The following COL28A1 variants were observed in gnomAD, a reference collection of about 807,000 sequenced individuals.
The protein encoded by COL28A1 is collagen type XXVIII alpha 1 chain.
COL28A1 carries 161 observed loss-of-function variants against 150.2 expected under a neutral mutation model. The ratio of observed to expected loss-of-function variants is 1.07; its 90% CI spans 0.94 to 1.22. The LOEUF (loss-of-function observed/expected upper bound fraction) is 1.22. COL28A1 is among the 50% of genes most tolerant of loss of function. COL28A1 has a pLI of 0.00. For synonymous variants in COL28A1, 552 were observed against 469.7 expected (o/e 1.18, Z -2.26); for missense variants, 1,617 against 1,388.3 (o/e 1.16, Z -2.62).
rs904690839 is a variant in COL28A1 at position 7,510,957 on chromosome 7, A to C, written c.927+134T>G. 9.9e-6 allele frequency: 7 copies of C among 706,692 alleles called. No individual in the cohort carries two copies. In the African/African-American group the frequency reaches 1.3e-4, roughly 13 times the overall value. 43.8% of individuals were successfully genotyped at this position (706,692 alleles called of 1,614,324 possible). On this transcript the variant is annotated intron_variant, in intron 9 of 34. Coordinates refer to ENST00000399429, the MANE Select transcript of COL28A1 (RefSeq NM_001037763.3). Reference sequence around the variant, plus strand: ...CTTTGTTTTCTACCACATGTTTTACAGATGTGAAAAATTGAGCCATTGATT... The same window carrying C: ...CTTTGTTTTCTACCACATGTTTTACCGATGTGAAAAATTGAGCCATTGATT...
At position 7,370,834 on chromosome 7, in the gene COL28A1, GA is replaced by G. The variant is rs759772597; in HGVS notation, c.2956del (p.Ser986ProfsTer38). The G allele has an allele frequency of 3.6e-5, 58 of 1,612,886 alleles. No homozygotes were observed. The highest frequency in any genetic ancestry group is 2.5e-5 in the Non-Finnish European group (30 of 1,179,370). ...TGAACCAAAAATTTGAACGAGATAG[GA>G]ATCAAAATCCTCACAAATTTTTTGA... ...LFQKICEDFD[S>X]YLVQIFGSSS... On this transcript the variant is annotated frameshift_variant, in exon 33 of 35. Coordinates refer to ENST00000399429, the MANE Select transcript of COL28A1 (RefSeq NM_001037763.3). LOFTEE classifies it high-confidence loss of function.
In COL28A1 at chr7:7,358,601, T is replaced by C. The variant is rs754533669; in HGVS notation, c.*32A>G. ...AATATGTGGAAATTAGGGAGTTCTA[T>C]GCTTTTGATAGAGACAGGCCAATTT... On this transcript the variant is annotated 3_prime_UTR_variant, in exon 35 of 35. Transcript: ENST00000399429. The C allele has an allele frequency of 2.1e-5, 34 of 1,605,028 alleles. No individual in the cohort carries two copies. In the South Asian group the frequency reaches 3.1e-4, roughly 15 times the overall value.
rs187160054 is a variant in COL28A1 at position 7,436,029 on chromosome 7, C to A, written c.1860+366G>T. Reference sequence around the variant, plus strand: ...ATAAATAAAGCAGGAAATTTTTATTCAGCAAAGCTTCCAAGCACACACGCT... The same window carrying A: ...ATAAATAAAGCAGGAAATTTTTATTAAGCAAAGCTTCCAAGCACACACGCT... On this transcript the variant is annotated intron_variant, in intron 23 of 34. Coordinates refer to ENST00000399429, the MANE Select transcript of COL28A1 (RefSeq NM_001037763.3). 9.5e-4 allele frequency among the ~76,000 whole-genome samples: 145 copies of A among 152,294 alleles called. 1 individual carries two copies. The Middle Eastern group carries it at 0.017, about 18-fold the overall frequency.
chr7:7,453,614 T>C, intron 16 of COL28A1, 106 bp from the exon 17 acceptor site: 1 of 679,740 alleles, frequency 1.5e-6, no homozygotes, highest in Non-Finnish European at 2.5e-6. Flanking sequence ...TTACACTCAA[T>C]AAGCATTTGT....
At chr7:7,440,377 T>C (rs1431053943) in intron 21 of COL28A1, among the ~76,000 whole-genome samples, 2 of 152,260 alleles carry the variant, frequency 1.3e-5, no homozygotes, top group African/African-American at 2.4e-5. Context: ...AAGAGGTTCA[T>C]GGCACAGGAG....
At chr7:7,492,557 CT>C in intron 11 of COL28A1, among the ~76,000 whole-genome samples, 1 of 140,584 alleles carries the variant, frequency 7.1e-6, no homozygotes, top group East Asian at 2.1e-4. Context: ...CACACTCCAG[CT>C]TTGGCAACAG....
chr7:7,398,814 G>A (rs746889441), intron 27 of COL28A1, among the ~76,000 whole-genome samples: 9 of 152,092 alleles, frequency 5.9e-5, no homozygotes, highest in Non-Finnish European at 1.3e-4. Flanking sequence ...TGTCTTTGCT[G>A]GCCATCTGCA....
At chr7:7,519,290 G>T (rs1398953629) in intron 6 of COL28A1, among the ~76,000 whole-genome samples, 6 of 152,110 alleles carry the variant, frequency 3.9e-5, no homozygotes, top group Non-Finnish European at 5.9e-5. Context: ...AGAACAGCAT[G>T]GGAAAGACCC....
chr7:7,443,510 A>G (rs1383475154), intron 20 of COL28A1, 75 bp downstream of exon 20: 1 of 1,585,014 alleles, frequency 6.3e-7, no homozygotes, highest in African/African-American at 1.4e-5. Context: ...ATAACAATCA[A>G]ATTTCTTCTA....
intron 18 of COL28A1, among the ~76,000 whole-genome samples, chr7:7,451,147 A>T (rs1174149175): frequency 6.6e-6 from 1 of 152,178 alleles, no homozygotes; most frequent in Non-Finnish European, 1.5e-5. Context: ...GTGGTAAAAC[A>T]TTAACATTTG....
intron 27 of COL28A1, among the ~76,000 whole-genome samples, chr7:7,397,822 C>G (rs146026053): frequency 9.2e-4 from 140 of 152,298 alleles, no homozygotes; most frequent in African/African-American, 3.2e-3. Context: ...GGTCCACCCA[C>G]CAGCCAAACA....
In COL28A1 at chr7:7,380,816, C is replaced by T; in HGVS notation, c.2252G>A (p.Gly751Glu). The T allele has an allele frequency of 6.2e-7, 1 of 1,614,048 alleles. No individual in the cohort carries two copies. The highest frequency in any genetic ancestry group is 8.5e-7 in the Non-Finnish European group (1 of 1,179,964). ...RGDVGKKGDK[G>E]EIGEPGSPGK... is the part of the protein sequence containing the mutation. ...TGGAGATCCAGGCTCTCCAATTTCTCCTTTATCACCTTTCTTTCCCACATC... is the reference window on the plus strand; with the variant it reads ...TGGAGATCCAGGCTCTCCAATTTCTTCTTTATCACCTTTCTTTCCCACATC... The change falls in exon 29 of 35, where the codon GGA becomes GAA. Residue 751 changes from glycine to glutamate, a missense_variant. Physicochemically the swap from Gly to Glu is moderately conservative, Grantham distance 98. Coordinates refer to ENST00000399429, the MANE Select transcript of COL28A1 (RefSeq NM_001037763.3).
chr7:7,418,733 C>A (rs965581853), intron 26 of COL28A1, among the ~76,000 whole-genome samples: 1 of 151,932 alleles, frequency 6.6e-6, no homozygotes, highest in African/African-American at 2.4e-5. Context: ...AAGAGGAATA[C>A]CTGCCCATTG....
upstream of COL28A1, among the ~76,000 whole-genome samples, chr7:7,537,013 T>C (rs575360482): frequency 1.3e-5 from 2 of 152,224 alleles, no homozygotes; most frequent in Non-Finnish European, 2.9e-5. Flanking sequence ...TTATGGCATA[T>C]TCCTAGTCAC....
intron 22 of COL28A1, 114 bp from the exon 23 acceptor site, chr7:7,436,577 C>T: frequency 4.2e-6 from 3 of 716,772 alleles, no homozygotes; most frequent in Non-Finnish European, 7.5e-6. Context: ...CCATCTCAGA[C>T]CTTGAGATAG....
intron 9 of COL28A1, among the ~76,000 whole-genome samples, chr7:7,510,417 T>G (rs979538663): frequency 6.6e-6 from 1 of 152,126 alleles, no homozygotes; most frequent in Non-Finnish European, 1.5e-5. Context: ...CCTGAGTAGC[T>G]GGGACTACAG....
chr7:7,341,552 A>C, the COL28A1 span, among the ~76,000 whole-genome samples: 1 of 152,220 alleles, frequency 6.6e-6, no homozygotes, highest in South Asian at 2.1e-4. Context: ...CCAGGACTAC[A>C]GGTGTGTGCC....
At chr7:7,473,712 T>A (rs1276231626) in intron 15 of COL28A1, among the ~76,000 whole-genome samples, 1 of 152,088 alleles carries the variant, frequency 6.6e-6, no homozygotes, top group Non-Finnish European at 1.5e-5. Flanking sequence ...AAAGTCGTCA[T>A]TATACGAAAA....
At chr7:7,418,211 C>A (rs1169473883) in intron 26 of COL28A1, among the ~76,000 whole-genome samples, 1 of 152,188 alleles carries the variant, frequency 6.6e-6, no homozygotes, top group African/African-American at 2.4e-5. Flanking sequence ...TCTGCTTGGG[C>A]CCCCTTCACT....
Sources: allele counts gnomAD v4.1 joint callset (sites outside exome capture counted in the v4.1 genomes callset), GRCh38; gene constraint gnomAD v4.1.1; transcripts MANE v1.5; gene names NCBI Gene and HGNC (gene_info 2026-07-23, HGNC 2026-07-21).